WNT3: variants seen among roughly 807,000 people sequenced by gnomAD.
WNT3 encodes the protein proto-oncogene Wnt-3.
WNT3 carries 7 observed loss-of-function variants against 34.2 expected under a neutral mutation model. The observed-to-expected ratio is 0.20, with a 90% CI of 0.12 to 0.38. The LOEUF is 0.38. Among genes scored for constraint, WNT3 ranks in the 10% least tolerant of loss-of-function variants. The pLI, the probability that WNT3 is intolerant of heterozygous loss-of-function variation, is 1.00. For synonymous variants in WNT3, 212 were observed against 211.5 expected, an observed-to-expected ratio of 1.00 and a Z score of -0.02; for missense variants, 267 against 499.8, an observed-to-expected ratio of 0.53 and a Z score of 4.44.
At chr17:46,797,145 T>C (rs1305894897) in intron 1 of WNT3, among the ~76,000 whole-genome samples, 2 of 152,092 alleles carry the variant, frequency 1.3e-5, no homozygotes, top group Admixed American at 6.6e-5. Context: ...ATGAGAACAA[T>C]AAACACCAAG....
At chr17:46,775,881 G>A (rs576822369) in intron 1 of WNT3, among the ~76,000 whole-genome samples, 6 of 152,198 alleles carry the variant, frequency 3.9e-5, no homozygotes, top group Admixed American at 2.6e-4. Flanking sequence ...CCAAAGTGCT[G>A]GGATTACAGG....
chr17:46,778,806 C>T (rs1225981544), intron 1 of WNT3, among the ~76,000 whole-genome samples: 2 of 152,006 alleles, frequency 1.3e-5, no homozygotes, highest in Admixed American at 6.6e-5. Flanking sequence ...GCCCGGCCCC[C>T]GGCAACCATT....
intron 1 of WNT3, among the ~76,000 whole-genome samples, chr17:46,776,188 G>T (rs961777134): frequency 7.9e-5 from 12 of 152,302 alleles, no homozygotes; most frequent in Admixed American, 6.5e-4. Flanking sequence ...TGCCTGCTGG[G>T]CAGTGCCTGC....
intron 1 of WNT3, among the ~76,000 whole-genome samples, chr17:46,777,456 G>C (rs542356935): frequency 6.6e-6 from 1 of 152,320 alleles, no homozygotes; most frequent in South Asian, 2.1e-4. Context: ...CCTGAGCTCT[G>C]GCACACTGCC....
At chr17:46,780,567 T>C (rs2059451732) in intron 1 of WNT3, among the ~76,000 whole-genome samples, 1 of 151,946 alleles carries the variant, frequency 6.6e-6, no homozygotes, top group Non-Finnish European at 1.5e-5. Context: ...GGCGGGAGGA[T>C]CACGAGGTCA....
At chr17:46,776,320 G>A (rs2059411765) in intron 1 of WNT3, among the ~76,000 whole-genome samples, 1 of 152,256 alleles carries the variant, frequency 6.6e-6, no homozygotes, top group African/African-American at 2.4e-5. Context: ...GGCACACGGC[G>A]CACACAGCAC....
At chr17:46,782,590 A>ATTGGCAGATTGTCAGGACAG (rs2059471139) in intron 1 of WNT3, among the ~76,000 whole-genome samples, 1 of 152,372 alleles carries the variant, frequency 6.6e-6, no homozygotes, top group South Asian at 2.1e-4. Context: ...ACTTAGGTCA[A>ATTGGCAGATTGTCAGGACAG]GAAGCCGTTC....
chr17:46,766,419 A>G (rs1247037053), intron 4 of WNT3, among the ~76,000 whole-genome samples: 2 of 152,068 alleles, frequency 1.3e-5, no homozygotes, highest in African/African-American at 4.8e-5. Flanking sequence ...AAAAAAAAAA[A>G]AAGTTCTGCT....
chr17:46,811,262 G>A (rs988639352), intron 1 of WNT3, among the ~76,000 whole-genome samples: 2 of 101,000 alleles, frequency 2.0e-5, no homozygotes, highest in South Asian at 2.4e-4. Flanking sequence ...GTCATCGGGC[G>A]GGTTGTTGCA....
chr17:46,782,994 C>T (rs1388703548), intron 1 of WNT3, among the ~76,000 whole-genome samples: 1 of 152,184 alleles, frequency 6.6e-6, no homozygotes, highest in African/African-American at 2.4e-5. Context: ...GCCAAGGTGC[C>T]TCAGGGGGTG....
At chr17:46,813,146 G>A (rs757058138) in intron 1 of WNT3, among the ~76,000 whole-genome samples, 3 of 151,958 alleles carry the variant, frequency 2.0e-5, no homozygotes, top group African/African-American at 7.3e-5. Flanking sequence ...AGAAAGAAAC[G>A]GGTGGACTGT....
At chr17:46,807,525 T>C (rs1180706588) in intron 1 of WNT3, among the ~76,000 whole-genome samples, 2 of 152,156 alleles carry the variant, frequency 1.3e-5, no homozygotes, top group Admixed American at 1.3e-4. Context: ...AGAAGCAGAC[T>C]GGAATTCTCA....
In WNT3 at chr17:46,768,290, C is replaced by G; in HGVS notation, c.*8+22G>C. On this transcript the variant is annotated intron_variant, in intron 4 of 4. Transcript: ENST00000225512. This position sits in a 1 kb window ranked among gnomAD's most constrained non-coding sequence, Gnocchi z 5.0. ...CCCTGCGCCCAGGCTCCCAGCCTCC[C>G]CCCTGCTTCCCGGAGCCCTACCTGG... The G allele has an allele frequency of 6.2e-7, 1 of 1,612,728 alleles. No individual in the cohort carries two copies. The highest frequency in any genetic ancestry group is 8.5e-7 in the Non-Finnish European group (1 of 1,180,028).
At chr17:46,781,232 CA>C (rs376907784) in intron 1 of WNT3, among the ~76,000 whole-genome samples, 119,846 of 143,958 alleles carry the variant, frequency 0.83, 49,784 homozygotes, top group East Asian at 1. Flanking sequence ...TCCCCCCAAC[CA>C]AAAAAAAAAA....
At chr17:46,795,770 G>A (rs2084045334) in intron 1 of WNT3, among the ~76,000 whole-genome samples, 1 of 152,136 alleles carries the variant, frequency 6.6e-6, no homozygotes, top group African/African-American at 2.4e-5. Flanking sequence ...GTCTTCCTTG[G>A]TCTGTCATGA....
chr17:46,764,293 T>C lies in WNT3; in HGVS notation c.*337A>G, dbSNP rs2059294612. 1 of 152,652 alleles carries C rather than the reference T, an allele frequency of 6.6e-6. No individual in the cohort carries two copies. The highest frequency in any genetic ancestry group is 1.5e-5 in the Non-Finnish European group (1 of 68,038). 9.5% of individuals were successfully genotyped at this position (152,652 alleles called of 1,614,324 possible). On this transcript the variant is annotated 3_prime_UTR_variant, in exon 5 of 5. Coordinates refer to ENST00000225512, the MANE Select transcript of WNT3 (RefSeq NM_030753.5). The stretch of plus-strand genomic sequence containing the variant: ...GCTCACATTAGCCCAGCCTGTTCTG[T>C]TGGAGTCAAATTTTTTTTCATTTTT...
At chr17:46,772,224 CA>C (rs1334291728) in intron 2 of WNT3, among the ~76,000 whole-genome samples, 4 of 152,174 alleles carry the variant, frequency 2.6e-5, no homozygotes, top group South Asian at 4.1e-4. Context: ...CCGCCGCCAG[CA>C]AATTCCCAAA....
intron 1 of WNT3, among the ~76,000 whole-genome samples, chr17:46,779,104 C>CACACACACACACACACACACACACACA (rs1555683622): frequency 2.3e-5 from 3 of 130,832 alleles, no homozygotes; most frequent in Non-Finnish European, 4.5e-5. Context: ...CACACACACA[C>CACACACACACACACACACACACACACA]CCCAGCCCAC....
chr17:46,765,786 C>T (rs1462234700), intron 4 of WNT3, among the ~76,000 whole-genome samples: 1 of 152,238 alleles, frequency 6.6e-6, no homozygotes, highest in African/African-American at 2.4e-5. Context: ...GGTCCTGGGC[C>T]AGGCCCTTCA....
Sources: allele counts gnomAD v4.1 joint callset (sites outside exome capture counted in the v4.1 genomes callset), GRCh38; gene constraint gnomAD v4.1.1; non-coding constraint Gnocchi (gnomAD v3.1); transcripts MANE v1.5; gene names NCBI Gene and HGNC (gene_info 2026-07-23, HGNC 2026-07-21).